The following SPAG16 variants were observed in gnomAD, a reference collection of about 807,000 sequenced individuals.
The protein encoded by SPAG16 is sperm associated antigen 16.
In SPAG16, 86 loss-of-function variants were observed where a neutral mutation model predicts 80.4. The observed-to-expected ratio is 1.07, with a 90% confidence interval of 0.90 to 1.28. The LOEUF (loss-of-function observed/expected upper bound fraction) is 1.28. Ranked by LOEUF, SPAG16 falls within the 50% of genes most tolerant of loss-of-function variation. SPAG16 has a pLI of 0.00. For missense variants in SPAG16, 870 were observed against 765.3 expected (o/e 1.14, Z -1.61); for synonymous variants, 294 against 265.9 (o/e 1.11, Z -1.03).
intron 15 of SPAG16, among the ~76,000 whole-genome samples, chr2:214,199,290 A>G (rs1453462094): frequency 6.6e-6 from 1 of 152,046 alleles, no homozygotes; most frequent in Non-Finnish European, 1.5e-5. Context: ...ATAAGGTGAG[A>G]GATGAGGATC....
intron 5 of SPAG16, among the ~76,000 whole-genome samples, chr2:213,323,996 A>C (rs1320934501): frequency 6.6e-6 from 1 of 152,134 alleles, no homozygotes; most frequent in East Asian, 1.9e-4. Context: ...GGGCATTACA[A>C]ATCAAAGGGC....
At chr2:213,503,858 G>A (rs1392785318) in intron 10 of SPAG16, among the ~76,000 whole-genome samples, 6 of 152,192 alleles carry the variant, frequency 3.9e-5, no homozygotes, top group Non-Finnish European at 7.3e-5. Flanking sequence ...AACACAGAAG[G>A]TGAGGGTTAG....
At chr2:213,740,511 G>A (rs2067498592) in intron 10 of SPAG16, among the ~76,000 whole-genome samples, 1 of 152,168 alleles carries the variant, frequency 6.6e-6, no homozygotes, top group Non-Finnish European at 1.5e-5. Flanking sequence ...AAGTCTTCTG[G>A]TAGATTGCGT....
At chr2:213,884,295 G>C (rs1469833129) in intron 11 of SPAG16, among the ~76,000 whole-genome samples, 6 of 152,144 alleles carry the variant, frequency 3.9e-5, no homozygotes, top group African/African-American at 4.8e-5. Context: ...AAAATTCTTG[G>C]TTGGAATGTC....
rs1185866248 is a variant in SPAG16, at chr2:214,387,304, A to G, written c.1721-22836A>G. Reference sequence around the variant, plus strand: ...TTTCTGCTATCTAATACTCTATATTAAAGTAGAATTATCATATATATGTTA... The same window carrying G: ...TTTCTGCTATCTAATACTCTATATTGAAGTAGAATTATCATATATATGTTA... On this transcript the variant is annotated intron_variant, in intron 15 of 15. Coordinates refer to ENST00000331683, the MANE Select transcript of SPAG16 (RefSeq NM_024532.5). 2.0e-5 allele frequency among the ~76,000 whole-genome samples: 3 copies of G among 152,346 alleles called. No homozygotes were observed. The East Asian group carries it at 5.8e-4, about 29-fold the overall frequency.
chr2:214,284,558 G>A (rs1368411147), intron 15 of SPAG16, among the ~76,000 whole-genome samples: 1 of 152,168 alleles, frequency 6.6e-6, no homozygotes, highest in East Asian at 1.9e-4. Context: ...GGAGCACTCT[G>A]CTCCTTTTGT....
intron 12 of SPAG16, 68 bp from the exon 13 acceptor site, chr2:214,013,883 A>AT (rs2047445122): frequency 1.4e-6 from 2 of 1,456,446 alleles, no homozygotes; most frequent in South Asian, 2.9e-5. Context: ...TCCTTAAATT[A>AT]TTTTTATTAG....
chr2:213,649,212 A>C (rs867987472), intron 10 of SPAG16, among the ~76,000 whole-genome samples: 20 of 152,212 alleles, frequency 1.3e-4, no homozygotes, highest in Admixed American at 8.5e-4. Context: ...ATTTTGTGAC[A>C]CCTGACCTAC....
At chr2:213,829,620 G>A (rs981278920) in intron 10 of SPAG16, among the ~76,000 whole-genome samples, 1 of 152,016 alleles carries the variant, frequency 6.6e-6, no homozygotes, top group Non-Finnish European at 1.5e-5. Flanking sequence ...ACACCTGAAG[G>A]CAGTGCATCT....
intron 15 of SPAG16, among the ~76,000 whole-genome samples, chr2:214,171,745 G>C (rs1301186694): frequency 2.0e-5 from 3 of 151,784 alleles, no homozygotes; most frequent in Non-Finnish European, 4.4e-5. Context: ...TAAGAATAAG[G>C]CTTGAAGATG....
chr2:213,814,693 G>A (rs1050776648), intron 10 of SPAG16, among the ~76,000 whole-genome samples: 1 of 152,130 alleles, frequency 6.6e-6, no homozygotes, highest in African/African-American at 2.4e-5. Flanking sequence ...AGGAGGCTGA[G>A]GCAGGAGAAT....
chr2:213,565,087 A>G (rs1559260208), intron 10 of SPAG16, among the ~76,000 whole-genome samples: 2 of 152,212 alleles, frequency 1.3e-5, no homozygotes, highest in African/African-American at 2.4e-5. Flanking sequence ...AAGATGTGTC[A>G]GTGTTACTTT....
chr2:213,586,587 A>G (rs1396269023), intron 10 of SPAG16, among the ~76,000 whole-genome samples: 1 of 152,212 alleles, frequency 6.6e-6, no homozygotes, highest in Non-Finnish European at 1.5e-5. Context: ...TTCTACTCCA[A>G]CAGCCCCAAA....
intron 10 of SPAG16, among the ~76,000 whole-genome samples, chr2:213,707,360 C>CT (rs2065802950): frequency 6.6e-6 from 1 of 152,098 alleles, no homozygotes; most frequent in African/African-American, 2.4e-5. Flanking sequence ...CTTGTTGGAT[C>CT]TTTTTTCCCA....
intron 15 of SPAG16, among the ~76,000 whole-genome samples, chr2:214,271,100 A>G (rs1272794565): frequency 6.6e-6 from 1 of 152,184 alleles, no homozygotes; most frequent in East Asian, 1.9e-4. Context: ...TGAAGGGTAA[A>G]GTATAATTCT....
chr2:214,117,659 C>T (rs755674499), intron 14 of SPAG16, among the ~76,000 whole-genome samples: 12 of 152,254 alleles, frequency 7.9e-5, no homozygotes, highest in Non-Finnish European at 1.6e-4. Context: ...CATTCAGCAT[C>T]ATCAAATGAG....
intron 11 of SPAG16, among the ~76,000 whole-genome samples, chr2:213,903,467 A>C (rs2077303892): frequency 6.6e-6 from 1 of 152,158 alleles, no homozygotes; most frequent in Non-Finnish European, 1.5e-5. Context: ...CCCAAGCTCT[A>C]CGTTGGCCCC....
At chr2:214,057,958 T>G (rs1438876233) in intron 13 of SPAG16, among the ~76,000 whole-genome samples, 1 of 152,004 alleles carries the variant, frequency 6.6e-6, no homozygotes, top group African/African-American at 2.4e-5. Context: ...TTCATAGAAC[T>G]GAAGAGAGTT....
chr2:214,277,057 C>G (rs997248315), intron 15 of SPAG16, among the ~76,000 whole-genome samples: 2 of 152,022 alleles, frequency 1.3e-5, no homozygotes, highest in African/African-American at 4.8e-5. Flanking sequence ...TCACTGATAG[C>G]CTTTCTTCCA....
Sources: allele counts gnomAD v4.1 joint callset (sites outside exome capture counted in the v4.1 genomes callset), GRCh38; gene constraint gnomAD v4.1.1; transcripts MANE v1.5; gene names NCBI Gene and HGNC (gene_info 2026-07-23, HGNC 2026-07-21).